Variants in ADAMTS20 observed in about 807,000 individuals in gnomAD.
The protein encoded by ADAMTS20 is ADAM metallopeptidase with thrombospondin type 1 motif 20, also known as A disintegrin and metalloproteinase with thrombospondin motifs 20.
Under a neutral mutation model 260.1 loss-of-function variants are expected in ADAMTS20, and 225 were observed. The observed-to-expected ratio is 0.87, with a 90% confidence interval of 0.78 to 0.97. The LOEUF (loss-of-function observed/expected upper bound fraction) is 0.97. ADAMTS20 is among the 50% of genes least tolerant of loss of function. ADAMTS20 has a pLI of 0.00. For synonymous variants in ADAMTS20, 802 were observed against 769.5 expected, an observed-to-expected ratio of 1.04 and a Z score of -0.70; for missense variants, 2,400 against 2,337.7, an observed-to-expected ratio of 1.03 and a Z score of -0.55.
chr12:43,550,760 G>T, intron 2 of ADAMTS20, 149 bp downstream of exon 2: 1 of 1,225,098 alleles, frequency 8.2e-7, no homozygotes, highest in Non-Finnish European at 1.1e-6. Context: ...TTCCGAAGGA[G>T]TTGCCTCTGG....
At position 43,503,352 on chromosome 12, in the gene ADAMTS20, T is replaced by C. The variant is rs934329926; in HGVS notation, c.614-947A>G. On this transcript the variant is annotated intron_variant, in intron 3 of 38. Transcript: ENST00000389420. ...GATAGTTTAGAAACCAAGTAATCAA[T>C]ACCAAAATAATCAATAACCAAGACA... 1.3e-5 allele frequency among the ~76,000 whole-genome samples: 2 copies of C among 152,078 alleles called. 1 individual carries two copies. The highest frequency in any genetic ancestry group is 2.9e-5 in the Non-Finnish European group (2 of 67,992).
intron 3 of ADAMTS20, among the ~76,000 whole-genome samples, chr12:43,526,304 A>G (rs1382669738): frequency 6.6e-6 from 1 of 152,102 alleles, no homozygotes; most frequent in Non-Finnish European, 1.5e-5. Context: ...AAATACAAAA[A>G]GAAATTAGCC....
At chr12:43,492,894 C>T (rs570068764) in intron 5 of ADAMTS20, among the ~76,000 whole-genome samples, 4 of 152,158 alleles carry the variant, frequency 2.6e-5, no homozygotes, top group African/African-American at 7.2e-5. Context: ...ATTCTAAATC[C>T]TCTGACATTA....
At chr12:43,353,416 A>G (rs1939675252), downstream of ADAMTS20, among the ~76,000 whole-genome samples, 1 of 152,008 alleles carries the variant, frequency 6.6e-6, no homozygotes, top group African/African-American at 2.4e-5. Flanking sequence ...ATATATATAC[A>G]CATACAAGAA....
intron 11 of ADAMTS20, among the ~76,000 whole-genome samples, chr12:43,462,476 T>C (rs2137373866): frequency 6.6e-6 from 1 of 152,240 alleles, no homozygotes; most frequent in South Asian, 2.1e-4. Context: ...TTAGAAACAA[T>C]AAAGGTCTAA....
chr12:43,502,212 A>G lies in ADAMTS20; in HGVS notation c.807T>C (p.Ala269=), dbSNP rs1166189177. 6.2e-7 allele frequency: 1 copy of G among 1,610,934 alleles called. No homozygotes were observed. The highest frequency in any genetic ancestry group is 1.3e-5 in the African/African-American group (1 of 74,776). The change falls in exon 4 of 39, where the codon GCT becomes GCC. Residue 269 remains alanine, a synonymous_variant. Coordinates refer to ENST00000389420, the MANE Select transcript of ADAMTS20 (RefSeq NM_025003.5). ...RYIEIMVTAD[A]KVVSAHGSNL... ...TCGATCCATGAGCAGAAACCACTTT[A>G]GCATCAGCTGTAACCATAATTTCAA...
chr12:43,385,978 T>A (rs1345428406), intron 29 of ADAMTS20, among the ~76,000 whole-genome samples: 1 of 152,192 alleles, frequency 6.6e-6, no homozygotes, highest in Non-Finnish European at 1.5e-5. Context: ...GTAGTTTGTA[T>A]TTCTGTGGGA....
Position 43,441,077 on chromosome 12 carries a change from A to C in ADAMTS20, c.2291-1008T>G, listed in dbSNP as rs370912281. Among the ~76,000 whole-genome samples, 125 of 138,736 alleles carry C rather than the reference A, an allele frequency of 9.0e-4. No individual in the cohort carries two copies. In the East Asian group the frequency reaches 0.021, roughly 23 times the overall value. The allele number at this position is 138,736 out of a possible 152,430, so 91.0% of individuals were successfully genotyped here. ...GAGACTCCGTCTCCAAAAAAAAAAA[A>C]CAAAAAAAAAACTCTAGGGTCAACA... On this transcript the variant is annotated intron_variant, in intron 16 of 38. Transcript: ENST00000389420.
chr12:43,493,244 T>C lies in ADAMTS20; in HGVS notation c.877A>G (p.Ile293Val). The change falls in exon 5 of 39, where the codon ATC (isoleucine) becomes GTC (valine). Residue 293 changes from isoleucine (I) to valine (V), a missense_variant. Ile to Val is a conservative substitution (Grantham distance 29). Transcript: ENST00000389420. ...ILTLMSIVATIYKDPSIGNLI... is the reference protein window; with the variant it reads ...ILTLMSIVATVYKDPSIGNLI... ...TTTCCAATACTTGGATCTTTGTAGA[T>C]TGTTGCAACCTGCATGTAAAAAAAA... The C allele has an allele frequency of 6.4e-7, 1 of 1,551,382 alleles. No individual in the cohort carries two copies. Among genetic ancestry groups the C allele is most frequent in the Non-Finnish European group, 8.7e-7 (1 of 1,146,932 alleles).
At chr12:43,488,286 G>A (rs74862631) in intron 7 of ADAMTS20, among the ~76,000 whole-genome samples, 3,662 of 152,122 alleles carry the variant, frequency 0.024, 70 homozygotes, top group East Asian at 0.08. Flanking sequence ...GTTAACCATC[G>A]AGGGGTATGA....
chr12:43,551,243 T>C lies in ADAMTS20; in HGVS notation c.119A>G (p.Tyr40Cys). 2 of 1,613,630 alleles carry C rather than the reference T, an allele frequency of 1.2e-6. No individual in the cohort carries two copies. Among genetic ancestry groups the C allele is most frequent in the South Asian group, 1.1e-5 (1 of 91,068 alleles). Residue 40 changes from tyrosine to cysteine, a missense_variant, in exon 2 of 39, where the codon TAC (tyrosine) becomes TGC (cysteine). Coordinates refer to ENST00000389420, the MANE Select transcript of ADAMTS20 (RefSeq NM_025003.5). This position sits in a 1 kb window ranked among gnomAD's most constrained non-coding sequence, Gnocchi z 4.6. ...QEALVRTLTSYEVVIPERVNE... is the reference protein window; with the variant it reads ...QEALVRTLTSCEVVIPERVNE... ...GACCCGCTCGGGGATCACTACTTCG[T>C]AGGAGGTCAGTGTCCTCACCAGGGC...
intron 30 of ADAMTS20, 36 bp downstream of exon 30, chr12:43,383,768 T>C (rs758576002): frequency 1.9e-6 from 3 of 1,613,422 alleles, no homozygotes; most frequent in South Asian, 1.1e-5. Context: ...CATTCTTATA[T>C]GCAGTGTCTT....
chr12:43,387,035 G>A (rs980785112), intron 29 of ADAMTS20, among the ~76,000 whole-genome samples: 8 of 152,130 alleles, frequency 5.3e-5, no homozygotes, highest in Admixed American at 1.3e-4. Context: ...CTTTGCTGGC[G>A]AGGAGTTGTG....
At chr12:43,449,874 A>T (rs946542901) in intron 14 of ADAMTS20, among the ~76,000 whole-genome samples, 3 of 152,190 alleles carry the variant, frequency 2.0e-5, no homozygotes, top group Non-Finnish European at 2.9e-5. Flanking sequence ...TTAAAAAGAC[A>T]GTATCCCAGA....
intron 3 of ADAMTS20, among the ~76,000 whole-genome samples, chr12:43,528,570 T>C (rs926924530): frequency 2.0e-5 from 3 of 151,936 alleles, no homozygotes; most frequent in Non-Finnish European, 4.4e-5. Flanking sequence ...ACGGGTGCCC[T>C]GTTTAATAAA....
At chr12:43,465,761 C>T (rs1258950978) in intron 9 of ADAMTS20, among the ~76,000 whole-genome samples, 1 of 152,000 alleles carries the variant, frequency 6.6e-6, no homozygotes, top group East Asian at 1.9e-4. Flanking sequence ...CAATTCTGTA[C>T]AGATCAGCAA....
At chr12:43,429,528 A>G (rs192786816) in intron 24 of ADAMTS20, 89 bp downstream of exon 24, 126 of 875,778 alleles carry the variant, frequency 1.4e-4, no homozygotes, top group South Asian at 1.4e-3. Flanking sequence ...GAATAAATGT[A>G]TACATTGTGA....
In ADAMTS20 at chr12:43,498,214, T is replaced by G. The variant is rs79393227; in HGVS notation, c.867+3938A>C. Among the ~76,000 whole-genome samples, 217 of 152,308 alleles carry G rather than the reference T, an allele frequency of 1.4e-3. 1 individual carries two copies. Among genetic ancestry groups the G allele is most frequent in the African/African-American group, 5.0e-3 (208 of 41,574 alleles). On this transcript the variant is annotated intron_variant, in intron 4 of 38. Transcript: ENST00000389420. ...AGTAAGAAGGGTCTCTAGCCTATTC[T>G]AACAACATTAAGTGCAACTAAAAAG...
intron 22 of ADAMTS20, 26 bp downstream of exon 22, chr12:43,431,306 T>G: frequency 6.2e-7 from 1 of 1,604,854 alleles, no homozygotes; most frequent in Non-Finnish European, 8.5e-7. Flanking sequence ...TAGATCAAAT[T>G]AGAAAAACCC....
Sources: gnomAD v4.1 joint callset for allele counts (sites outside exome capture counted in the v4.1 genomes callset) on GRCh38, gnomAD v4.1.1 for gene constraint, Gnocchi (gnomAD v3.1) non-coding constraint, MANE v1.5 for transcripts, NCBI Gene and HGNC (gene_info 2026-07-23, HGNC 2026-07-21) for gene names.